DDX60: variants seen among roughly 807,000 people sequenced by gnomAD.
DDX60 encodes DExD/H-box helicase 60, also known as probable ATP-dependent RNA helicase DDX60.
Under a neutral mutation model 212.8 loss-of-function variants are expected in DDX60, and 165 were observed. The observed-to-expected ratio is 0.78, with a 90% CI of 0.68 to 0.88. The LOEUF is 0.88. Ranked by LOEUF, DDX60 falls within the 40% of genes least tolerant of loss-of-function variation. The probability of loss-of-function intolerance (pLI) is 0.00; values close to 1 mark genes in which losing one functional copy is unlikely to be tolerated. For missense variants in DDX60, 1,905 were observed against 2,003.9 expected (o/e 0.95, Z 0.94); for synonymous variants, 703 against 685.3 (o/e 1.03, Z -0.40).
At position 168,273,967 on chromosome 4, in the gene DDX60, G is replaced by A. The variant is rs150244881; in HGVS notation, c.2421C>T (p.Asp807=). 9.4e-5 allele frequency: 151 copies of A among 1,614,114 alleles called. No individual in the cohort carries two copies. The highest frequency in any genetic ancestry group is 3.3e-4 in the Middle Eastern group (2 of 6,062). ...YCMEKVLKES[D]DGVVVYVAPT... ...GTGCAACGTACACGACCACCCCGTCGTCGCTCTCCTTCAGCACTTTCTCCA... is the reference window on the plus strand; with the variant it reads ...GTGCAACGTACACGACCACCCCGTCATCGCTCTCCTTCAGCACTTTCTCCA... The change falls in exon 17 of 38, where the codon GAC becomes GAT. Residue 807 remains aspartate (D), a synonymous_variant. Transcript: ENST00000393743.
In DDX60 at chr4:168,283,428, A is replaced by G. The variant is rs767186581; in HGVS notation, c.1722+18T>C. Reference sequence around the variant, plus strand: ...AAAAGGAAAATTTTTTTAATTGGATAGAATTTATAGAACCTACGTGTGCCT... The same window carrying G: ...AAAAGGAAAATTTTTTTAATTGGATGGAATTTATAGAACCTACGTGTGCCT... On this transcript the variant is annotated intron_variant, in intron 13 of 37. Coordinates refer to ENST00000393743, the MANE Select transcript of DDX60 (RefSeq NM_017631.6). 1 of 1,604,572 alleles carries G rather than the reference A, an allele frequency of 6.2e-7. No homozygotes were observed. The highest frequency in any genetic ancestry group is 1.3e-5 in the African/African-American group (1 of 74,084).
the DDX60 span, among the ~76,000 whole-genome samples, chr4:168,324,711 G>C: frequency 6.6e-6 from 1 of 152,238 alleles, no homozygotes; most frequent in African/African-American, 2.4e-5. Context: ...CAAGGTGGCA[G>C]GGTCTTATAC....
At chr4:168,288,108 A>T in intron 9 of DDX60, 66 bp downstream of exon 9, 1 of 1,047,298 alleles carries the variant, frequency 9.5e-7, no homozygotes, top group Non-Finnish European at 1.3e-6. Flanking sequence ...ATTATTTTGT[A>T]GTTTTAAATT....
chr4:168,256,087 C>T (rs1337747872), intron 25 of DDX60, among the ~76,000 whole-genome samples: 1 of 148,122 alleles, frequency 6.8e-6, no homozygotes, highest in Non-Finnish European at 1.5e-5. Context: ...CCCCTTCTCC[C>T]TCCCCACTCC....
rs1733718852 is a variant in DDX60, at chr4:168,238,455, AAGGG to A, written c.4165-664_4165-661del. On this transcript the variant is annotated intron_variant, in intron 30 of 37. Coordinates refer to ENST00000393743, the MANE Select transcript of DDX60 (RefSeq NM_017631.6). ...AAGGGAAGGGAAGGGAAGGGAAGGGAAGGGAAGGGAAGGGAAGGGAAGGGAAGGG... is the reference window on the plus strand; with the variant it reads ...AAGGGAAGGGAAGGGAAGGGAAGGGAAAGGGAAGGGAAGGGAAGGGAAGGG... 1.0e-4 allele frequency among the ~76,000 whole-genome samples: 12 copies of A among 116,436 alleles called. No individual in the cohort carries two copies. The South Asian group carries it at 1.6e-3, about 15-fold the overall frequency. The allele number at this position is 116,436 out of a possible 152,430, so 76.4% of individuals were successfully genotyped here.
At chr4:168,258,735 C>A (rs1346784352) in intron 25 of DDX60, among the ~76,000 whole-genome samples, 1 of 151,970 alleles carries the variant, frequency 6.6e-6, no homozygotes, top group Non-Finnish European at 1.5e-5. Flanking sequence ...CCAAAATATA[C>A]CACTCTGGCA....
chr4:168,323,809 A>T (rs558708193), upstream of DDX60, among the ~76,000 whole-genome samples: 56 of 152,304 alleles, frequency 3.7e-4, no homozygotes, highest in Non-Finnish European at 6.5e-4. Context: ...AGATGGGACC[A>T]GTTCTCAATG....
chr4:168,287,094 T>C lies in DDX60; in HGVS notation c.1293A>G (p.Arg431=). The change falls in exon 10 of 38, where the codon AGA becomes AGG. Residue 431 remains arginine (R), a synonymous_variant. Transcript: ENST00000393743. ...DFEVGQPFPL[R]TTKVCFLEKK... Reference sequence around the variant, plus strand: ...TTTCAAGAAAACAAACTTTTGTTGTTCTCAGAGGAAATGGCTGTCCAACCT... The same window carrying C: ...TTTCAAGAAAACAAACTTTTGTTGTCCTCAGAGGAAATGGCTGTCCAACCT... 1 of 1,611,926 alleles carries C rather than the reference T, an allele frequency of 6.2e-7. No homozygotes were observed. The highest frequency in any genetic ancestry group is 1.1e-5 in the South Asian group (1 of 90,470).
chr4:168,294,505 T>C (rs1736255194), intron 6 of DDX60, among the ~76,000 whole-genome samples: 1 of 151,952 alleles, frequency 6.6e-6, no homozygotes, highest in African/African-American at 2.4e-5. Context: ...TTTATTTATT[T>C]ATTTATTTAT....
chr4:168,298,910 C>T (rs1240577944), intron 6 of DDX60, among the ~76,000 whole-genome samples: 2 of 151,684 alleles, frequency 1.3e-5, no homozygotes, highest in African/African-American at 4.8e-5. Context: ...TGCCTGTAAT[C>T]CCAGCACGTT....
intron 6 of DDX60, among the ~76,000 whole-genome samples, chr4:168,295,510 C>T (rs1057370854): frequency 5.9e-5 from 9 of 152,172 alleles, no homozygotes; most frequent in Non-Finnish European, 1.0e-4. Flanking sequence ...ACCTCACTTC[C>T]GATTCCTGTA....
chr4:168,261,774 C>T (rs1461310441), intron 24 of DDX60, among the ~76,000 whole-genome samples: 2 of 152,130 alleles, frequency 1.3e-5, no homozygotes, highest in Admixed American at 6.5e-5. Context: ...CATTTAGAAG[C>T]AACCAGTAGC....
intron 37 of DDX60, among the ~76,000 whole-genome samples, chr4:168,217,703 G>A (rs993443406): frequency 6.6e-6 from 1 of 152,142 alleles, no homozygotes; most frequent in East Asian, 1.9e-4. Context: ...GAGTGAGGCA[G>A]GAGAGAGTCA....
intron 25 of DDX60, 133 bp from the exon 26 acceptor site, chr4:168,256,002 G>T: frequency 1.2e-6 from 1 of 856,128 alleles, no homozygotes; most frequent in Non-Finnish European, 1.7e-6. Context: ...ATGTTACCCA[G>T]AATGTGCACA....
At chr4:168,306,136 T>C (rs1223328901) in intron 5 of DDX60, among the ~76,000 whole-genome samples, 4 of 152,228 alleles carry the variant, frequency 2.6e-5, no homozygotes, top group African/African-American at 4.8e-5. Flanking sequence ...ACCTACCTTA[T>C]AAGATTGGTT....
chr4:168,291,204 T>C (rs1736087132), intron 8 of DDX60, among the ~76,000 whole-genome samples: 1 of 152,268 alleles, frequency 6.6e-6, no homozygotes, highest in South Asian at 2.1e-4. Context: ...AAAAAATATA[T>C]GTATATATAG....
intron 32 of DDX60, among the ~76,000 whole-genome samples, chr4:168,236,634 GTCTA>G (rs1216080439): frequency 2.0e-5 from 3 of 151,684 alleles, no homozygotes; most frequent in Non-Finnish European, 3.0e-5. Flanking sequence ...CCTCCCTTTA[GTCTA>G]TCTTAGTGAT....
At chr4:168,228,368 C>T (rs1733330757) in intron 33 of DDX60, among the ~76,000 whole-genome samples, 1 of 151,940 alleles carries the variant, frequency 6.6e-6, no homozygotes, top group Non-Finnish European at 1.5e-5. Context: ...GTATTTAGTA[C>T]ATTTACATTT....
chr4:168,256,078 C>T (rs970993362), intron 25 of DDX60, among the ~76,000 whole-genome samples: 1 of 151,138 alleles, frequency 6.6e-6, no homozygotes, highest in Non-Finnish European at 1.5e-5. Flanking sequence ...GCCTACCCTC[C>T]CCTTCTCCCT....
Sources: gnomAD v4.1 joint callset for allele counts (sites outside exome capture counted in the v4.1 genomes callset) on GRCh38, gnomAD v4.1.1 for gene constraint, MANE v1.5 for transcripts, NCBI Gene and HGNC (gene_info 2026-07-23, HGNC 2026-07-21) for gene names.